The following LCTL variants were observed in gnomAD, a reference collection of about 807,000 sequenced individuals.
The protein encoded by LCTL is lactase-like protein.
In LCTL, 76 loss-of-function variants were observed where a neutral mutation model predicts 75.8. The ratio of observed to expected loss-of-function variants is 1.00; its 90% CI spans 0.83 to 1.21. The LOEUF is 1.21. Ranked by LOEUF, LCTL falls within the 50% of genes most tolerant of loss-of-function variation. LCTL has a pLI of 0.00. For missense variants in LCTL, 670 were observed against 712.4 expected, an observed-to-expected ratio of 0.94 and a Z score of 0.68; for synonymous variants, 271 against 268.8, an observed-to-expected ratio of 1.01 and a Z score of -0.08.
chr15:66,563,765 T>C, intron 3 of LCTL, 140 bp from the exon 5 acceptor site: 1 of 839,754 alleles, frequency 1.2e-6, no homozygotes, highest in Non-Finnish European at 1.9e-6. Context: ...GGGAGCCCAG[T>C]TACCTGCAGA....
chr15:66,552,283 G>T, intron 9 of LCTL, 114 bp from the exon 11 acceptor site: 1 of 812,562 alleles, frequency 1.2e-6, no homozygotes, highest in Non-Finnish European at 1.9e-6. Flanking sequence ...CTAATCAAGT[G>T]TATTTTGGCA....
intron 8 of LCTL, 27 bp downstream of exon 9, chr15:66,557,695 T>C: frequency 6.2e-7 from 1 of 1,605,232 alleles, no homozygotes; most frequent in Non-Finnish European, 8.5e-7. Context: ...CCCTAGTATC[T>C]GCAGTTTAAA....
At chr15:66,563,088 A>G (rs1478959065) in intron 4 of LCTL, among the ~76,000 whole-genome samples, 1 of 152,144 alleles carries the variant, frequency 6.6e-6, no homozygotes, top group African/African-American at 2.4e-5. Flanking sequence ...CCTGTGTAAC[A>G]GTATGGGGAA....
At chr15:66,551,375 C>T (rs529131266) in intron 11 of LCTL, among the ~76,000 whole-genome samples, 146 of 139,856 alleles carry the variant, frequency 1.0e-3, no homozygotes, top group Non-Finnish European at 1.9e-3. Context: ...AAAAAAGACA[C>T]GAGATTTAGA....
At chr15:66,553,647 T>C (rs1023068608) in intron 8 of LCTL, among the ~76,000 whole-genome samples, 1 of 150,134 alleles carries the variant, frequency 6.7e-6, no homozygotes, top group Non-Finnish European at 1.5e-5. Context: ...CCCAGCTACT[T>C]GGGAGGCTGA....
chr15:66,558,212 T>C lies in LCTL; in HGVS notation c.706-176A>G, dbSNP rs539501736. ...CTTCTTGAGGCACTTATTTTCTTTA[T>C]ATTGTAAATGAAACTTGATGTAAGT... On this transcript the variant is annotated intron_variant, in intron 6 of 12. Coordinates refer to ENST00000341509, the Ensembl canonical transcript of LCTL. Among the ~76,000 whole-genome samples the C allele has an allele frequency of 4.1e-4, 62 of 152,360 alleles. 1 individual carries two copies. In the South Asian group the frequency reaches 0.013, roughly 31 times the overall value.
intron 6 of LCTL, among the ~76,000 whole-genome samples, chr15:66,558,806 C>T (rs1895809644): frequency 6.6e-6 from 1 of 151,368 alleles, no homozygotes; most frequent in African/African-American, 2.4e-5. Flanking sequence ...AGCCATTCTC[C>T]TGCTTCAGCC....
intron 3 of LCTL, 100 bp downstream of exon 4, chr15:66,563,811 A>T (rs973019751): frequency 1.0e-6 from 1 of 997,626 alleles, no homozygotes; most frequent in Admixed American, 1.9e-5. Flanking sequence ...AACTACGTTC[A>T]TGGGCTGATC....
chr15:66,548,978 T>G (rs1895490798), intron 12 of LCTL: 1 of 157,270 alleles, frequency 6.4e-6, no homozygotes, highest in East Asian at 1.8e-4. Context: ...TGGGAAACAT[T>G]TCCAATCTTT....
At chr15:66,561,519 A>G (rs1256557904) in intron 4 of LCTL, among the ~76,000 whole-genome samples, 1 of 152,214 alleles carries the variant, frequency 6.6e-6, no homozygotes, top group African/African-American at 2.4e-5. Context: ...GAAGCATCTT[A>G]GATCTAAGTT....
At chr15:66,548,370 G>C (rs1220008959) in exon 13 of LCTL, 4 of 491,660 alleles carry the variant, frequency 8.1e-6, no homozygotes, top group African/African-American at 3.9e-5. Context: ...AAAAGAGAAA[G>C]AGAAAAAAAG....
intron 6 of LCTL, among the ~76,000 whole-genome samples, chr15:66,558,782 G>T (rs1895808479): frequency 6.7e-6 from 1 of 148,442 alleles, no homozygotes; most frequent in African/African-American, 2.5e-5. Context: ...TGTAACCTCT[G>T]CCTCCCAGGT....
At chr15:66,553,742 G>A (rs12905286) in intron 8 of LCTL, among the ~76,000 whole-genome samples, 4,784 of 142,248 alleles carry the variant, frequency 0.034, 121 homozygotes, top group Middle Eastern at 0.048. Context: ...GTGACAGAGC[G>A]AGACTCCATC....
intron 9 of LCTL, among the ~76,000 whole-genome samples, chr15:66,552,682 A>C (rs902003675): frequency 1.4e-5 from 2 of 142,800 alleles, no homozygotes; most frequent in Admixed American, 7.0e-5. Context: ...AAAAAAAAAA[A>C]AAAAAAACAT....
At chr15:66,558,586 ACTT>A (rs553532817) in intron 6 of LCTL, among the ~76,000 whole-genome samples, 63 of 152,204 alleles carry the variant, frequency 4.1e-4, no homozygotes, top group Admixed American at 3.2e-3. Flanking sequence ...TCCACTGGGA[ACTT>A]AATAGACATG....
intron 4 of LCTL, among the ~76,000 whole-genome samples, chr15:66,561,740 T>C (rs1188466742): frequency 6.6e-6 from 1 of 152,120 alleles, no homozygotes; most frequent in Non-Finnish European, 1.5e-5. Flanking sequence ...CTTGGTGGGT[T>C]TGAGGGGATG....
Position 66,561,424 on chromosome 15 carries a change from G to A in LCTL, c.481-109C>T, listed in dbSNP as rs2140850215. On this transcript the variant is annotated intron_variant, in intron 4 of 12. Transcript: ENST00000341509. ...ACAAACAGGAGGGAGGCCGCACAGG[G>A]AGACTGGGACTCTCATGCCTAGAAA... 4 of 1,235,896 alleles carry A rather than the reference G, an allele frequency of 3.2e-6. No individual in the cohort carries two copies. In the South Asian group the frequency reaches 4.0e-5, roughly 12 times the overall value. 76.6% of individuals were successfully genotyped at this position (1,235,896 alleles called of 1,614,324 possible).
intron 11 of LCTL, among the ~76,000 whole-genome samples, chr15:66,550,600 T>C (rs1251940382): frequency 6.6e-6 from 1 of 151,954 alleles, no homozygotes; most frequent in Non-Finnish European, 1.5e-5. Context: ...CACACCTCAG[T>C]CTCTGTAGTC....
At chr15:66,562,588 CTT>C (rs34408899) in intron 4 of LCTL, among the ~76,000 whole-genome samples, 9 of 142,618 alleles carry the variant, frequency 6.3e-5, no homozygotes, top group East Asian at 2.1e-4. Context: ...GTCGCCAGAT[CTT>C]TTTTTTTTTT....
Sources: gnomAD v4.1 joint callset for allele counts (sites outside exome capture counted in the v4.1 genomes callset) on GRCh38, gnomAD v4.1.1 for gene constraint, MANE v1.5 for transcripts, NCBI Gene and HGNC (gene_info 2026-07-23, HGNC 2026-07-21) for gene names.